CLASP1: variants seen among roughly 807,000 people sequenced by gnomAD.
CLASP1 encodes the protein cytoplasmic linker associated protein 1, also known as CLIP-associating protein 1.
A neutral mutation model predicts 192.3 loss-of-function variants in CLASP1; 38 were observed. The observed-to-expected ratio is 0.20, with a 90% CI of 0.15 to 0.26. The LOEUF is 0.26. CLASP1 is among the 10% of genes least tolerant of loss of function. The probability of loss-of-function intolerance (pLI) is 1.00; values close to 1 mark genes in which losing one functional copy is unlikely to be tolerated. For synonymous variants in CLASP1, 691 were observed against 712.8 expected, an observed-to-expected ratio of 0.97 and a Z score of 0.49; for missense variants, 1,433 against 1,932.5, an observed-to-expected ratio of 0.74 and a Z score of 4.85.
intron 31 of CLASP1, 133 bp downstream of exon 32, chr2:121,387,630 C>T: frequency 1.2e-6 from 1 of 838,602 alleles, no homozygotes; most frequent in Non-Finnish European, 1.9e-6. Context: ...TAAGATGGCC[C>T]CATCCTCAGG....
intron 12 of CLASP1, 97 bp downstream of exon 12, chr2:121,459,883 C>CA (rs1174379250): frequency 7.6e-6 from 9 of 1,188,986 alleles, no homozygotes; most frequent in Non-Finnish European, 9.1e-6. Flanking sequence ...TCAGAAGTTA[C>CA]ATTAAAGAGA....
At chr2:121,469,827 G>T (rs201058283) in exon 9 of CLASP1, 12 of 1,612,908 alleles carry the variant, frequency 7.4e-6, no homozygotes, top group Non-Finnish European at 1.0e-5. Flanking sequence ...TGGATCCAAG[G>T]GTGGATGAAC....
chr2:121,341,029 A>G, intron 39 of CLASP1, 82 bp from the exon 41 acceptor site: 1 of 921,984 alleles, frequency 1.1e-6, no homozygotes, highest in Admixed American at 2.0e-5. Flanking sequence ...CCCAGGTGAC[A>G]GTAAGGAAAC....
At chr2:121,540,551 G>A (rs1159047153) in intron 2 of CLASP1, among the ~76,000 whole-genome samples, 5 of 152,108 alleles carry the variant, frequency 3.3e-5, no homozygotes, top group Non-Finnish European at 7.4e-5. Flanking sequence ...CACTTTGGGA[G>A]GCTGAGGTGG....
chr2:121,531,385 G>A (rs764314059), intron 2 of CLASP1, among the ~76,000 whole-genome samples: 2 of 152,176 alleles, frequency 1.3e-5, no homozygotes, highest in Admixed American at 6.5e-5. Flanking sequence ...CACGAGGTCA[G>A]GAGATCGAGA....
At chr2:121,456,483 A>T (rs1176427252) in intron 14 of CLASP1, among the ~76,000 whole-genome samples, 1 of 151,784 alleles carries the variant, frequency 6.6e-6, no homozygotes, top group East Asian at 1.9e-4. Context: ...AAAGGAAAGC[A>T]ATAAAGGAAG....
chr2:121,496,649 G>A (rs1349497147), intron 8 of CLASP1, among the ~76,000 whole-genome samples: 29 of 152,180 alleles, frequency 1.9e-4, no homozygotes. Flanking sequence ...AGGTATCTGA[G>A]CCTTAGAATG....
chr2:121,538,506 C>T lies in CLASP1; in HGVS notation c.196-8181G>A, dbSNP rs564259299. Among the ~76,000 whole-genome samples, 7 of 151,014 alleles carry T rather than the reference C, an allele frequency of 4.6e-5. No homozygotes were observed. The East Asian group carries it at 9.8e-4, about 21-fold the overall frequency. On this transcript the variant is annotated intron_variant, in intron 2 of 39. Coordinates refer to ENST00000263710, the Ensembl canonical transcript of CLASP1. ...CTGCGTAAAAAAAAAATCTAGAAGG[C>T]GCTAGGCATGGTGGCTCATGCCTGT...
intron 33 of CLASP1, among the ~76,000 whole-genome samples, chr2:121,380,411 C>T (rs543698897): frequency 6.6e-6 from 1 of 152,164 alleles, no homozygotes; most frequent in Non-Finnish European, 1.5e-5. Context: ...GGTTAGACTC[C>T]AGAAGGGCTC....
intron 30 of CLASP1, among the ~76,000 whole-genome samples, chr2:121,394,345 T>C (rs907099986): frequency 6.6e-6 from 1 of 152,230 alleles, no homozygotes; most frequent in Non-Finnish European, 1.5e-5. Flanking sequence ...TTTGTTTTAA[T>C]TTCTCCATTT....
intron 2 of CLASP1, among the ~76,000 whole-genome samples, chr2:121,582,534 G>C (rs2061315684): frequency 6.7e-6 from 1 of 149,986 alleles, no homozygotes; most frequent in South Asian, 2.1e-4. Context: ...AAGAAAGACA[G>C]AAAGAAAGGC....
chr2:121,587,450 C>T (rs532688302), intron 2 of CLASP1, among the ~76,000 whole-genome samples: 1 of 152,254 alleles, frequency 6.6e-6, no homozygotes, highest in South Asian at 2.1e-4. Context: ...CTCCCCTTCC[C>T]TTCTCATTTT....
At chr2:121,495,395 T>C (rs1489618209) in intron 8 of CLASP1, among the ~76,000 whole-genome samples, 2 of 152,002 alleles carry the variant, frequency 1.3e-5, no homozygotes, top group Non-Finnish European at 2.9e-5. Context: ...GCGCGGTGGC[T>C]CACGCCTGTA....
rs566925050 is a variant in CLASP1 at position 121,543,393 on chromosome 2, A to C, written c.196-13068T>G. 1.4e-4 allele frequency among the ~76,000 whole-genome samples: 21 copies of C among 152,266 alleles called. 1 individual carries two copies. In the South Asian group the frequency reaches 3.9e-3, roughly 29 times the overall value. On this transcript the variant is annotated intron_variant, in intron 2 of 39. Coordinates refer to ENST00000263710, the Ensembl canonical transcript of CLASP1. Reference sequence around the variant, plus strand: ...GGTCATATCCAGTCACAGACCTCTAAATTTGCAATCTCTCTCATCCAGATA... The same window carrying C: ...GGTCATATCCAGTCACAGACCTCTACATTTGCAATCTCTCTCATCCAGATA...
At chr2:121,408,017 C>T (rs532067317) in intron 24 of CLASP1, among the ~76,000 whole-genome samples, 1 of 152,192 alleles carries the variant, frequency 6.6e-6, no homozygotes, top group Non-Finnish European at 1.5e-5. Context: ...GGCTGCATGA[C>T]TTCTGAAAGC....
chr2:121,435,110 TAA>T (rs2149683181), intron 19 of CLASP1, among the ~76,000 whole-genome samples: 1 of 152,304 alleles, frequency 6.6e-6, no homozygotes, highest in South Asian at 2.1e-4. Context: ...AGCTTGAGGC[TAA>T]GAGTTTGAGA....
intron 1 of CLASP1, among the ~76,000 whole-genome samples, chr2:121,630,089 T>C (rs971775384): frequency 6.6e-6 from 1 of 151,794 alleles, no homozygotes; most frequent in African/African-American, 2.4e-5. Context: ...CCCAGCTAAC[T>C]TTACATTTTT....
At chr2:121,582,246 G>A (rs902262795) in intron 2 of CLASP1, among the ~76,000 whole-genome samples, 3 of 149,218 alleles carry the variant, frequency 2.0e-5, no homozygotes, top group African/African-American at 4.9e-5. Context: ...AGGGAAGGAG[G>A]ACAGGACAGG....
intron 38 of CLASP1, 100 bp downstream of exon 39, chr2:121,348,412 C>T (rs929649230): frequency 1.0e-5 from 11 of 1,100,582 alleles, no homozygotes; most frequent in East Asian, 5.2e-5. Flanking sequence ...TTTTCCTACC[C>T]GTCCCTGCCA....
Sources: gnomAD v4.1 joint callset for allele counts (sites outside exome capture counted in the v4.1 genomes callset) on GRCh38, gnomAD v4.1.1 for gene constraint, MANE v1.5 for transcripts, NCBI Gene and HGNC (gene_info 2026-07-23, HGNC 2026-07-21) for gene names.